The following STK4 variants were observed in gnomAD, a reference collection of about 807,000 sequenced individuals.
STK4 encodes the protein serine/threonine kinase 4.
Under a neutral mutation model 64.9 loss-of-function variants are expected in STK4, and 30 were observed. The observed-to-expected ratio is 0.46, with a 90% CI of 0.35 to 0.63. STK4 has a LOEUF of 0.63. Ranked by LOEUF, STK4 falls within the 20% of genes least tolerant of loss-of-function variation. The pLI, the probability that STK4 is intolerant of heterozygous loss-of-function variation, is 0.01. For synonymous variants in STK4, 177 were observed against 199.0 expected (o/e 0.89, Z 0.93); for missense variants, 466 against 598.5 (o/e 0.78, Z 2.31).
In STK4 at chr20:44,998,446, C is replaced by T. The variant is rs115075228; in HGVS notation, c.831+1140C>T. The stretch of plus-strand genomic sequence containing the variant: ...TGTATTGAAGACAGTATGGTATGAA[C>T]GTGATAAATATTAGCTATTATAATT... On this transcript the variant is annotated intron_variant, in intron 7 of 10. Transcript: ENST00000372806. Among the ~76,000 whole-genome samples, 527 of 152,184 alleles carry T rather than the reference C, an allele frequency of 3.5e-3. 3 individuals carry two copies. Among genetic ancestry groups the T allele is most frequent in the African/African-American group, 0.012 (508 of 41,510 alleles).
At chr20:45,024,711 T>G (rs2068312881) in intron 9 of STK4, among the ~76,000 whole-genome samples, 1 of 152,212 alleles carries the variant, frequency 6.6e-6, no homozygotes, top group Non-Finnish European at 1.5e-5. Context: ...ACCCAAATCT[T>G]TCCATTTAGA....
chr20:44,988,869 T>G (rs2067584181), intron 5 of STK4, among the ~76,000 whole-genome samples: 3 of 152,132 alleles, frequency 2.0e-5, no homozygotes, highest in Admixed American at 2.0e-4. Context: ...ATATTTCATA[T>G]AAATAGAATC....
chr20:45,010,206 A>T (rs1240719496), intron 9 of STK4, among the ~76,000 whole-genome samples: 1 of 151,876 alleles, frequency 6.6e-6, no homozygotes, highest in Non-Finnish European at 1.5e-5. Flanking sequence ...GATTGGGATT[A>T]CAGGTGCATG....
At chr20:45,001,649 A>G (rs1449950577) in intron 9 of STK4, among the ~76,000 whole-genome samples, 1 of 152,186 alleles carries the variant, frequency 6.6e-6, no homozygotes, top group Non-Finnish European at 1.5e-5. Flanking sequence ...TGATCTTTGG[A>G]GGCAAGCACA....
At chr20:45,054,559 C>CT (rs776492833) in intron 10 of STK4, among the ~76,000 whole-genome samples, 1,816 of 70,002 alleles carry the variant, frequency 0.026, 4 homozygotes, top group Admixed American at 0.028. Context: ...GACACCCTAT[C>CT]TTTTTTTTTT....
At chr20:44,995,497 T>A (rs1286469520) in intron 6 of STK4, among the ~76,000 whole-genome samples, 1 of 150,568 alleles carries the variant, frequency 6.6e-6, no homozygotes, top group Non-Finnish European at 1.5e-5. Flanking sequence ...TCCCAGCTGC[T>A]TGGGAGACTG....
chr20:45,032,591 A>G (rs1459836026), intron 10 of STK4, among the ~76,000 whole-genome samples: 1 of 152,182 alleles, frequency 6.6e-6, no homozygotes, highest in Non-Finnish European at 1.5e-5. Flanking sequence ...GTTGCTGCAA[A>G]GGATGTGATC....
At chr20:45,061,596 ATT>A (rs56017495) in intron 10 of STK4, among the ~76,000 whole-genome samples, 12 of 140,956 alleles carry the variant, frequency 8.5e-5, no homozygotes, top group East Asian at 4.1e-4. Flanking sequence ...TAGTATGGAA[ATT>A]TTTTTTTTTT....
At chr20:45,038,004 A>C (rs1473661213) in intron 10 of STK4, among the ~76,000 whole-genome samples, 1 of 152,192 alleles carries the variant, frequency 6.6e-6, no homozygotes, top group East Asian at 1.9e-4. Flanking sequence ...AGTTATCTAC[A>C]ATTTGAAACT....
chr20:44,968,121 G>A (rs1280385252), intron 1 of STK4, among the ~76,000 whole-genome samples: 1 of 151,810 alleles, frequency 6.6e-6, no homozygotes, highest in Non-Finnish European at 1.5e-5. Flanking sequence ...TGTCTATGGG[G>A]TCTGGTCCAA....
rs369760175 is a variant in STK4, at chr20:45,075,032, A to G, written c.1320A>G (p.Thr440=). ...TTCTCTTCTAGCTTAAGAGTTGGACAGTGGAGGACCTTCAGAAGAGGCTCT... is the reference window on the plus strand; with the variant it reads ...TTCTCTTCTAGCTTAAGAGTTGGACGGTGGAGGACCTTCAGAAGAGGCTCT... The part of the protein sequence containing the change: ...DGDYEFLKSW[T]VEDLQKRLLA... The change falls in exon 11 of 11, where the codon ACA becomes ACG. Residue 440 remains threonine, a synonymous_variant. Coordinates refer to ENST00000372806, the MANE Select transcript of STK4 (RefSeq NM_006282.5). 3 of 1,614,090 alleles carry G rather than the reference A, an allele frequency of 1.9e-6. No homozygotes were observed. Among genetic ancestry groups the G allele is most frequent in the Non-Finnish European group, 2.5e-6 (3 of 1,180,048 alleles).
chr20:45,024,201 A>G (rs2068302790), intron 9 of STK4, among the ~76,000 whole-genome samples: 1 of 151,972 alleles, frequency 6.6e-6, no homozygotes, highest in Admixed American at 6.6e-5. Context: ...CGCCTGACCC[A>G]GTACTAACTT....
Position 45,025,149 on chromosome 20 carries a change from A to G in STK4, c.1305+19A>G. 1 of 1,597,330 alleles carries G rather than the reference A, an allele frequency of 6.3e-7. No homozygotes were observed. Among genetic ancestry groups the G allele is most frequent in the Non-Finnish European group, 8.5e-7 (1 of 1,172,452 alleles). Reference sequence around the variant, plus strand: ...CGAGTTTGTAAGTAGTGTTGGAAGTAAATGGTTATGTCTTCAGGGGAAGTT... The same window carrying G: ...CGAGTTTGTAAGTAGTGTTGGAAGTGAATGGTTATGTCTTCAGGGGAAGTT... On this transcript the variant is annotated intron_variant, in intron 10 of 10. Transcript: ENST00000372806.
intron 3 of STK4, among the ~76,000 whole-genome samples, chr20:44,981,227 T>C (rs1035603411): frequency 3.9e-5 from 6 of 152,154 alleles, no homozygotes; most frequent in Non-Finnish European, 2.9e-5. Flanking sequence ...CGATTTCGGC[T>C]CGCTGCAACC....
chr20:44,980,834 A>AT (rs966035768), intron 3 of STK4, among the ~76,000 whole-genome samples: 4 of 151,752 alleles, frequency 2.6e-5, no homozygotes, highest in Middle Eastern at 3.2e-3. Context: ...CGCCAGGCTA[A>AT]TTTTTTTGTA....
chr20:45,022,846 A>G (rs1056358319), intron 9 of STK4, among the ~76,000 whole-genome samples: 60 of 152,322 alleles, frequency 3.9e-4, no homozygotes, highest in African/African-American at 1.4e-3. Context: ...GATGAACTCA[A>G]TTTAGTCATT....
At chr20:44,981,194 G>A (rs1204395865) in intron 3 of STK4, among the ~76,000 whole-genome samples, 5 of 151,698 alleles carry the variant, frequency 3.3e-5, no homozygotes, top group Non-Finnish European at 7.4e-5. Context: ...TTGCTCTGTC[G>A]CCCAGGCTGG....
At chr20:45,059,709 G>A (rs1600555657) in intron 10 of STK4, among the ~76,000 whole-genome samples, 1 of 152,104 alleles carries the variant, frequency 6.6e-6, no homozygotes, top group East Asian at 1.9e-4. Flanking sequence ...CAGATAAGGG[G>A]GAATATAATA....
In STK4 at chr20:44,975,362, C is replaced by T. The variant is rs6017452; in HGVS notation, c.117-3081C>T. On this transcript the variant is annotated intron_variant, in intron 2 of 10. Coordinates refer to ENST00000372806, the MANE Select transcript of STK4 (RefSeq NM_006282.5). The stretch of plus-strand genomic sequence containing the variant: ...CAGTATATGGAATCAGGAATCTTAA[C>T]TTCATGTGAGCTATTGGAGTTTTCC... 0.48 allele frequency: 475,007 copies of T among 980,010 alleles called. 117,487 individuals are homozygous for T. Among genetic ancestry groups the T allele is most frequent in the African/African-American group, 0.68 (39,074 of 57,134 alleles). The allele number at this position is 980,010 out of a possible 1,614,324, so 60.7% of individuals were successfully genotyped here.
Sources: allele counts gnomAD v4.1 joint callset (sites outside exome capture counted in the v4.1 genomes callset), GRCh38; gene constraint gnomAD v4.1.1; transcripts MANE v1.5; gene names NCBI Gene and HGNC (gene_info 2026-07-23, HGNC 2026-07-21).